Variants in ADAMTS2 observed in about 807,000 individuals in gnomAD.
The protein encoded by ADAMTS2 is ADAM metallopeptidase with thrombospondin type 1 motif 2.
In ADAMTS2, 50 loss-of-function variants were observed where a neutral mutation model predicts 123.0. The ratio of observed to expected loss-of-function variants is 0.41; its 90% confidence interval spans 0.32 to 0.51. The LOEUF is 0.51. Ranked by LOEUF, ADAMTS2 falls within the 20% of genes least tolerant of loss-of-function variation. ADAMTS2 has a pLI of 0.35. For missense variants in ADAMTS2, 1,494 were observed against 1,705.2 expected (o/e 0.88, Z 2.18); for synonymous variants, 678 against 695.4 (o/e 0.98, Z 0.39).
At chr5:179,239,582 C>A (rs1473089135) in intron 3 of ADAMTS2, among the ~76,000 whole-genome samples, 3 of 151,998 alleles carry the variant, frequency 2.0e-5, no homozygotes, top group Non-Finnish European at 4.4e-5. Context: ...ATACAGAGAG[C>A]ATGGAAGGTG....
intron 3 of ADAMTS2, among the ~76,000 whole-genome samples, chr5:179,217,126 A>G (rs1380663728): frequency 6.6e-6 from 1 of 152,166 alleles, no homozygotes; most frequent in Non-Finnish European, 1.5e-5. Context: ...TGGAAACAAC[A>G]CGGGGGTCAT....
At chr5:179,222,465 G>A (rs1273266620) in intron 3 of ADAMTS2, among the ~76,000 whole-genome samples, 2 of 152,190 alleles carry the variant, frequency 1.3e-5, no homozygotes, top group Non-Finnish European at 2.9e-5. Flanking sequence ...AGGAGGGGAG[G>A]GAGGGCCACC....
chr5:179,173,154 G>A (rs1303815148), intron 5 of ADAMTS2, among the ~76,000 whole-genome samples: 1 of 151,550 alleles, frequency 6.6e-6, no homozygotes, highest in Non-Finnish European at 1.5e-5. Flanking sequence ...GGAGGCTGCA[G>A]TGAGTTATGA....
At chr5:179,253,337 T>C (rs1335367387) in intron 3 of ADAMTS2, among the ~76,000 whole-genome samples, 1 of 152,146 alleles carries the variant, frequency 6.6e-6, no homozygotes, top group African/African-American at 2.4e-5. Context: ...TCCTTTATAA[T>C]TTGTCTTATA....
chr5:179,227,871 G>C (rs551790516), intron 3 of ADAMTS2, among the ~76,000 whole-genome samples: 2 of 152,244 alleles, frequency 1.3e-5, no homozygotes, highest in East Asian at 1.9e-4. Context: ...GGGCTGGAGA[G>C]GGAGCCAGGA....
intron 3 of ADAMTS2, among the ~76,000 whole-genome samples, chr5:179,236,815 T>C (rs948858854): frequency 3.3e-5 from 5 of 152,070 alleles, no homozygotes; most frequent in African/African-American, 1.2e-4. Flanking sequence ...CCCCCTTCGA[T>C]GTATGCTATG....
chr5:179,266,500 G>C (rs954412389), intron 3 of ADAMTS2, among the ~76,000 whole-genome samples: 2 of 152,186 alleles, frequency 1.3e-5, no homozygotes, highest in African/African-American at 4.8e-5. Context: ...GGCCAGGAAT[G>C]GATTCTGCCC....
chr5:179,157,483 T>G (rs1763496540), intron 6 of ADAMTS2, among the ~76,000 whole-genome samples: 1 of 152,048 alleles, frequency 6.6e-6, no homozygotes, highest in African/African-American at 2.4e-5. Flanking sequence ...TGCTATTAGG[T>G]GCGTCTTGAT....
At chr5:179,182,568 C>T (rs1317295145) in intron 4 of ADAMTS2, among the ~76,000 whole-genome samples, 2 of 152,252 alleles carry the variant, frequency 1.3e-5, no homozygotes, top group South Asian at 2.1e-4. Context: ...GATCCCGAGG[C>T]CCGCTGGCAT....
chr5:179,282,488 A>G (rs1481665601), intron 2 of ADAMTS2, among the ~76,000 whole-genome samples: 1 of 152,152 alleles, frequency 6.6e-6, no homozygotes, highest in Non-Finnish European at 1.5e-5. Flanking sequence ...ACCAATCTAT[A>G]TGTCTATCCT....
At chr5:179,126,370 G>A (rs759716657) in intron 17 of ADAMTS2, among the ~76,000 whole-genome samples, 1 of 152,194 alleles carries the variant, frequency 6.6e-6, no homozygotes, top group Non-Finnish European at 1.5e-5. Flanking sequence ...CTCCCTCACT[G>A]GGCTCCTGGG....
chr5:179,156,180 G>C (rs1460950640), intron 6 of ADAMTS2, among the ~76,000 whole-genome samples: 1 of 152,050 alleles, frequency 6.6e-6, no homozygotes, highest in South Asian at 2.1e-4. Flanking sequence ...GCATCTTTAT[G>C]TTTTTCTTTG....
chr5:179,169,167 G>A (rs2113288399), intron 5 of ADAMTS2, among the ~76,000 whole-genome samples: 1 of 152,310 alleles, frequency 6.6e-6, no homozygotes, highest in Admixed American at 6.5e-5. Context: ...AGGTCATTAG[G>A]TCATGAGGGT....
rs758416226 is a variant in ADAMTS2 at position 179,308,220 on chromosome 5, G to A, written c.535-35156C>T. Among the ~76,000 whole-genome samples, 5 of 152,332 alleles carry A rather than the reference G, an allele frequency of 3.3e-5. 1 individual carries two copies. Among genetic ancestry groups the A allele is most frequent in the African/African-American group, 1.2e-4 (5 of 41,578 alleles). ...AGTTAGTAAAGCATTCAGGCTGCTC[G>A]GTGGAGGTGGGAAGACAGGCGCTGA... On this transcript the variant is annotated intron_variant, in intron 2 of 21. Coordinates refer to ENST00000251582, the MANE Select transcript of ADAMTS2 (RefSeq NM_014244.5). The surrounding 1 kb of genome is among the most constrained non-coding windows in gnomAD (Gnocchi z 6.6).
At chr5:179,217,798 G>GAAGATGGGCACACTTACTA (rs1561811198) in intron 3 of ADAMTS2, among the ~76,000 whole-genome samples, 3 of 107,342 alleles carry the variant, frequency 2.8e-5, no homozygotes, top group African/African-American at 1.2e-4. Flanking sequence ...TGGCGCAAGG[G>GAAGATGGGCACACTTACTA]GGGGATGGGC....
intron 17 of ADAMTS2, 113 bp downstream of exon 17, chr5:179,127,846 C>A: frequency 1.4e-6 from 2 of 1,441,384 alleles, no homozygotes; most frequent in Non-Finnish European, 1.9e-6. Flanking sequence ...AGGCAAAGGT[C>A]CCTGCTGTGG....
chr5:179,316,000 C>G (rs181742102), intron 2 of ADAMTS2, among the ~76,000 whole-genome samples: 1 of 152,164 alleles, frequency 6.6e-6, no homozygotes, highest in Non-Finnish European at 1.5e-5. Flanking sequence ...TCCTAGAGGC[C>G]TTATCAATAC....
chr5:179,191,107 G>A (rs1270871383), intron 4 of ADAMTS2, among the ~76,000 whole-genome samples: 3 of 152,270 alleles, frequency 2.0e-5, no homozygotes, highest in African/African-American at 4.8e-5. Flanking sequence ...TGAGGCTGCA[G>A]GACGCAGAAG....
At chr5:179,245,164 A>G (rs1411520908) in intron 3 of ADAMTS2, among the ~76,000 whole-genome samples, 1 of 152,186 alleles carries the variant, frequency 6.6e-6, no homozygotes, top group African/African-American at 2.4e-5. Context: ...AACTGGAGGG[A>G]TGGCTGCACG....
Sources: allele counts gnomAD v4.1 joint callset (sites outside exome capture counted in the v4.1 genomes callset), GRCh38; gene constraint gnomAD v4.1.1; non-coding constraint Gnocchi (gnomAD v3.1); transcripts MANE v1.5; gene names NCBI Gene and HGNC (gene_info 2026-07-23, HGNC 2026-07-21).